Variants in PPIP5K2 observed in about 807,000 individuals in gnomAD.
PPIP5K2 encodes the protein diphosphoinositol pentakisphosphate kinase 2.
In PPIP5K2, 105 loss-of-function variants were observed where a neutral mutation model predicts 154.6. The observed-to-expected ratio is 0.68, with a 90% CI of 0.58 to 0.80. The LOEUF (loss-of-function observed/expected upper bound fraction) is 0.80, where lower values mean the gene tolerates loss of function less well. Ranked by LOEUF, PPIP5K2 falls within the 30% of genes least tolerant of loss-of-function variation. The probability of loss-of-function intolerance (pLI) is 0.00; values close to 1 mark genes in which losing one functional copy is unlikely to be tolerated. For synonymous variants in PPIP5K2, 480 were observed against 490.3 expected (o/e 0.98, Z 0.28); for missense variants, 992 against 1,504.6 (o/e 0.66, Z 5.64).
intron 5 of PPIP5K2, among the ~76,000 whole-genome samples, chr5:103,142,486 C>T (rs1554207420): frequency 6.6e-6 from 1 of 152,236 alleles, no homozygotes; most frequent in East Asian, 1.9e-4. Context: ...GGGGCTCCCA[C>T]AGTGCAGCGG....
chr5:103,191,633 T>G (rs1171761320), intron 29 of PPIP5K2, among the ~76,000 whole-genome samples: 9 of 152,112 alleles, frequency 5.9e-5, no homozygotes, highest in Non-Finnish European at 1.3e-4. Context: ...TTCCAAAACT[T>G]ATTTTTTAGA....
intron 3 of PPIP5K2, among the ~76,000 whole-genome samples, chr5:103,134,447 T>C (rs1489225055): frequency 6.6e-6 from 1 of 152,198 alleles, no homozygotes; most frequent in African/African-American, 2.4e-5. Context: ...TATGTTCTCC[T>C]GAGCTATGTT....
intron 30 of PPIP5K2, among the ~76,000 whole-genome samples, chr5:103,200,853 G>A (rs981455110): frequency 3.3e-5 from 5 of 151,940 alleles, no homozygotes; most frequent in African/African-American, 7.3e-5. Context: ...GCCAGGGCTC[G>A]TCTTGAACTT....
intron 19 of PPIP5K2, among the ~76,000 whole-genome samples, chr5:103,169,397 G>T (rs1554218916): frequency 6.6e-6 from 1 of 151,660 alleles, no homozygotes; most frequent in African/African-American, 2.4e-5. Context: ...AGTTCAAAAA[G>T]CCTAACTTAT....
chr5:103,159,839 A>G (rs1795949976), intron 17 of PPIP5K2, among the ~76,000 whole-genome samples: 1 of 152,166 alleles, frequency 6.6e-6, no homozygotes, highest in African/African-American at 2.4e-5. Flanking sequence ...TGCTATTACT[A>G]TAATCACCAT....
chr5:103,137,506 ATAT>A (rs2149488524), intron 4 of PPIP5K2, among the ~76,000 whole-genome samples: 2 of 152,288 alleles, frequency 1.3e-5, no homozygotes, highest in East Asian at 1.9e-4. Flanking sequence ...ATTTTGAAAA[ATAT>A]TATACTGTAT....
At chr5:103,149,367 T>G (rs1194034977) in intron 8 of PPIP5K2, 54 bp downstream of exon 8, 24 of 1,496,202 alleles carry the variant, frequency 1.6e-5, no homozygotes, top group Non-Finnish European at 2.2e-5. Context: ...CTAATTTTCT[T>G]TTTTGACTAA....
rs782660041 is a variant in PPIP5K2 at position 103,173,196 on chromosome 5, A to G, written c.2328A>G (p.Lys776=). 6.2e-6 allele frequency: 10 copies of G among 1,609,524 alleles called. No individual in the cohort carries two copies. Among genetic ancestry groups the G allele is most frequent in the Non-Finnish European group, 7.6e-6 (9 of 1,177,732 alleles). ...AAGCTGAAAAACTGGAGATTGCCAA[A>G]GGCTACTGTACTCCTCTGGTTAGAA... ...ITKAEKLEIA[K]GYCTPLVRKI... is the part of the protein sequence containing the mutation. Residue 776 remains lysine (K), a synonymous_variant, in exon 20 of 31, where the codon AAA becomes AAG. Coordinates refer to ENST00000358359, the MANE Select transcript of PPIP5K2 (RefSeq NM_001276277.3).
At chr5:103,188,938 T>C in intron 28 of PPIP5K2, 2 of 385,810 alleles carry the variant, frequency 5.2e-6, no homozygotes, top group Non-Finnish European at 9.2e-6. Flanking sequence ...ATATTTCTTT[T>C]GAGTTTTAAG....
intron 29 of PPIP5K2, 82 bp downstream of exon 29, chr5:103,191,064 A>G (rs782621169): frequency 2.7e-5 from 37 of 1,361,184 alleles, no homozygotes; most frequent in East Asian, 4.7e-5. Context: ...TTATAACAAC[A>G]TAAAAGCAGG....
intron 1 of PPIP5K2, chr5:103,120,905 C>G (rs1272810568): frequency 6.2e-6 from 1 of 162,496 alleles, no homozygotes; most frequent in African/African-American, 2.4e-5. Context: ...GTCAACCCCA[C>G]ACCCACTTTA....
At chr5:103,176,898 G>A in intron 21 of PPIP5K2, 1 of 1,448,756 alleles carries the variant, frequency 6.9e-7, no homozygotes, top group Non-Finnish European at 9.3e-7. Context: ...ATGGAGGAAT[G>A]GTGAAGGAGA....
chr5:103,166,313 T>C (rs1554217877), intron 17 of PPIP5K2, among the ~76,000 whole-genome samples: 1 of 151,922 alleles, frequency 6.6e-6, no homozygotes, highest in African/African-American at 2.4e-5. Flanking sequence ...CACTACAGAG[T>C]CCTCCATCAT....
intron 25 of PPIP5K2, 132 bp downstream of exon 25, chr5:103,183,539 T>C: frequency 1.3e-6 from 1 of 748,294 alleles, no homozygotes; most frequent in Non-Finnish European, 2.1e-6. Flanking sequence ...TTTGAGTTCA[T>C]TTAAAAATAC....
chr5:103,124,107 C>T (rs1314681257), intron 1 of PPIP5K2, among the ~76,000 whole-genome samples: 5 of 151,932 alleles, frequency 3.3e-5, no homozygotes, highest in African/African-American at 4.8e-5. Flanking sequence ...TGTGAAACTC[C>T]GTCTCTACTA....
chr5:103,176,422 G>GA (rs1222965036), intron 21 of PPIP5K2, among the ~76,000 whole-genome samples: 1 of 151,824 alleles, frequency 6.6e-6, no homozygotes, highest in Non-Finnish European at 1.5e-5. Context: ...TATCAATTTT[G>GA]AAAAAAATAC....
chr5:103,194,971 A>T lies in PPIP5K2; in HGVS notation c.3565A>T (p.Ile1189Phe). Residue 1189 changes from isoleucine to phenylalanine, a missense_variant, in exon 30 of 31, where the codon ATC (isoleucine) becomes TTC (phenylalanine). Physicochemically the swap from Ile to Phe is conservative, Grantham distance 21. This residue lies in a region of PPIP5K2 where 131 missense variants were observed against 117.8 expected (regional missense o/e 1.11). Transcript: ENST00000358359. ...TTTAAATACGTATACACCTGCAAAG[A>T]TCCTCCCAACACCACCAGCTACCTT... ...VSLNTYTPAKILPTPPATLKS... is the reference protein window; with the variant it reads ...VSLNTYTPAKFLPTPPATLKS... 4 of 1,613,864 alleles carry T rather than the reference A, an allele frequency of 2.5e-6. No homozygotes were observed. Among genetic ancestry groups the T allele is most frequent in the Non-Finnish European group, 2.5e-6 (3 of 1,179,860 alleles).
intron 19 of PPIP5K2, among the ~76,000 whole-genome samples, chr5:103,172,092 C>T (rs1377101557): frequency 6.6e-6 from 1 of 151,494 alleles, no homozygotes. Flanking sequence ...TATGAAAATC[C>T]CTGTTTCCTC....
At position 103,209,835 on chromosome 5, in the gene PPIP5K2, T is replaced by C. The variant is rs1181106088; in HGVS notation, c.*8201T>C. The C allele has an allele frequency of 2.0e-5, 3 of 152,066 alleles. No homozygotes were observed. 9.4% of individuals were successfully genotyped at this position (152,066 alleles called of 1,614,324 possible). A position where few individuals can be genotyped will look rare whatever the true frequency, so the allele number is the denominator to read the frequency against. ...AGACAGAGAACAAAAGAACACAGGC[T>C]CTACTGTTAACAAAAAGCAGCATCG... is the stretch of plus-strand genomic sequence containing the variant. On this transcript the variant is annotated 3_prime_UTR_variant, in exon 31 of 31. Coordinates refer to ENST00000358359, the MANE Select transcript of PPIP5K2 (RefSeq NM_001276277.3).
Sources: gnomAD v4.1 joint callset for allele counts (sites outside exome capture counted in the v4.1 genomes callset) on GRCh38, gnomAD v4.1.1 for gene constraint, gnomAD v4.1.1 regional missense constraint, MANE v1.5 for transcripts, NCBI Gene and HGNC (gene_info 2026-07-23, HGNC 2026-07-21) for gene names.